Variants in ST18 observed in about 807,000 individuals in gnomAD.
ST18 encodes ST18 C2H2C-type zinc finger transcription factor.
Under a neutral mutation model 110.0 loss-of-function variants are expected in ST18, and 50 were observed. The ratio of observed to expected loss-of-function variants is 0.45; its 90% confidence interval spans 0.36 to 0.58. The LOEUF (loss-of-function observed/expected upper bound fraction) is 0.58, where lower values mean the gene tolerates loss of function less well. Among genes scored for constraint, ST18 ranks in the 20% least tolerant of loss-of-function variants. ST18 has a pLI of 0.00. For synonymous variants in ST18, 461 were observed against 452.4 expected, an observed-to-expected ratio of 1.02 and a Z score of -0.24; for missense variants, 1,306 against 1,280.1, an observed-to-expected ratio of 1.02 and a Z score of -0.31.
chr8:52,205,805 C>T (rs1254092211), intron 8 of ST18, among the ~76,000 whole-genome samples: 2 of 152,074 alleles, frequency 1.3e-5, no homozygotes, highest in South Asian at 2.1e-4. Context: ...TAACCTCAAG[C>T]GTTCCACCTG....
intron 8 of ST18, among the ~76,000 whole-genome samples, chr8:52,182,321 T>C (rs2134279934): frequency 6.6e-6 from 1 of 152,320 alleles, no homozygotes; most frequent in South Asian, 2.1e-4. Flanking sequence ...GAGGAACATT[T>C]GCCCAGTTTT....
chr8:52,121,036 T>C (rs1400300935), intron 23 of ST18, among the ~76,000 whole-genome samples: 2 of 152,174 alleles, frequency 1.3e-5, no homozygotes, highest in African/African-American at 4.8e-5. Context: ...ACTGGGAGGC[T>C]GAAACTTGTA....
intron 2 of ST18, among the ~76,000 whole-genome samples, chr8:52,317,693 G>C (rs77387219): frequency 6.6e-6 from 1 of 152,044 alleles, no homozygotes; most frequent in Non-Finnish European, 1.5e-5. Flanking sequence ...CAGTTTGTTT[G>C]TGTTTCAACT....
chr8:52,323,058 C>T (rs963038434), intron 2 of ST18, among the ~76,000 whole-genome samples: 7 of 152,128 alleles, frequency 4.6e-5, no homozygotes, highest in African/African-American at 1.4e-4. Flanking sequence ...CCTAGCTCCT[C>T]GGAGGAGTCC....
chr8:52,159,525 C>T (rs1006455638), intron 14 of ST18, among the ~76,000 whole-genome samples: 8 of 151,218 alleles, frequency 5.3e-5, no homozygotes, highest in Middle Eastern at 6.8e-3. Flanking sequence ...ATTCCAGTGG[C>T]GGAAAAAAAA....
chr8:52,399,755 T>C lies in ST18; in HGVS notation c.-465+9573A>G, dbSNP rs541097939. On this transcript the variant is annotated intron_variant, in intron 2 of 25. Transcript: ENST00000689386. Reference sequence around the variant, plus strand: ...GAATTTTTCAAGATTCCTCCTGTTGTCGACTTCTAGTTTCATACTGTTGTG... The same window carrying C: ...GAATTTTTCAAGATTCCTCCTGTTGCCGACTTCTAGTTTCATACTGTTGTG... 9.2e-5 allele frequency among the ~76,000 whole-genome samples: 14 copies of C among 152,186 alleles called. No homozygotes were observed. The South Asian group carries it at 2.7e-3, about 29-fold the overall frequency.
intron 9 of ST18, among the ~76,000 whole-genome samples, chr8:52,173,152 T>C (rs2065612424): frequency 6.6e-6 from 1 of 152,212 alleles, no homozygotes; most frequent in Non-Finnish European, 1.5e-5. Flanking sequence ...ACAAAATACA[T>C]CTTTCTGAGG....
rs749850577 is a variant in ST18 at position 52,214,189 on chromosome 8, G to A, written c.55+14C>T. 1 of 1,613,802 alleles carries A rather than the reference G, an allele frequency of 6.2e-7. No homozygotes were observed. The highest frequency in any genetic ancestry group is 1.3e-5 in the African/African-American group (1 of 74,906). ...TGGTGGGCATAGTGTCATAGAACCT[G>A]CTTGCTAACTCACCCTCGGTTCCTT... On this transcript the variant is annotated intron_variant, in intron 7 of 25. Transcript: ENST00000689386.
intron 2 of ST18, among the ~76,000 whole-genome samples, chr8:52,351,830 A>T (rs1480962889): frequency 6.6e-6 from 1 of 152,224 alleles, no homozygotes; most frequent in Non-Finnish European, 1.5e-5. Flanking sequence ...AACAATGAAC[A>T]ATCAGTTAAA....
intron 2 of ST18, among the ~76,000 whole-genome samples, chr8:52,357,707 A>ATT (rs1823607597): frequency 1.2e-5 from 1 of 86,512 alleles, no homozygotes; most frequent in African/African-American, 7.7e-5. Context: ...ATATATATAT[A>ATT]TATATATATA....
intron 2 of ST18, among the ~76,000 whole-genome samples, chr8:52,365,153 T>C (rs906049232): frequency 6.6e-6 from 1 of 152,102 alleles, no homozygotes; most frequent in Non-Finnish European, 1.5e-5. Context: ...GACATGTTTT[T>C]CACATACATG....
chr8:52,267,237 T>C (rs2094901800), intron 2 of ST18, among the ~76,000 whole-genome samples: 1 of 151,690 alleles, frequency 6.6e-6, no homozygotes, highest in Admixed American at 6.6e-5. Context: ...GGCCATACTT[T>C]AGGGAGCCAA....
At chr8:52,392,093 A>G (rs1391455994) in intron 2 of ST18, among the ~76,000 whole-genome samples, 1 of 152,220 alleles carries the variant, frequency 6.6e-6, no homozygotes, top group Non-Finnish European at 1.5e-5. Context: ...AAAAATGAGA[A>G]TGCATTCAAT....
intron 8 of ST18, among the ~76,000 whole-genome samples, chr8:52,189,959 T>C (rs2134748972): frequency 6.6e-6 from 1 of 152,324 alleles, no homozygotes; most frequent in Admixed American, 6.5e-5. Context: ...ACTTCTCCCA[T>C]TCTGTTACCA....
intron 17 of ST18, among the ~76,000 whole-genome samples, chr8:52,141,082 T>G (rs1345715638): frequency 6.6e-6 from 1 of 152,186 alleles, no homozygotes; most frequent in Non-Finnish European, 1.5e-5. Flanking sequence ...GAACCATCCG[T>G]TGTATCCGTC....
intron 2 of ST18, among the ~76,000 whole-genome samples, chr8:52,362,359 C>T (rs577610324): frequency 6.6e-6 from 1 of 152,280 alleles, no homozygotes; most frequent in South Asian, 2.1e-4. Context: ...TAATCAGTGA[C>T]TAGCAGTCTT....
At position 52,182,848 on chromosome 8, in the gene ST18, G is replaced by T. The variant is rs757205341; in HGVS notation, c.87-2536C>A. Among the ~76,000 whole-genome samples the T allele has an allele frequency of 8.4e-4, 128 of 152,166 alleles. 1 individual carries two copies. Among genetic ancestry groups the T allele is most frequent in the Non-Finnish European group, 1.5e-3 (99 of 67,992 alleles). On this transcript the variant is annotated intron_variant, in intron 8 of 25. Coordinates refer to ENST00000689386, the MANE Select transcript of ST18 (RefSeq NM_001352837.2). ...GAGATTTATTTTTTGGCATCAGGAA[G>T]CATTGATCAATGAGACCTCAGGTGG...
chr8:52,214,385 G>C (rs145378519), intron 6 of ST18, 128 bp from the exon 7 acceptor site: 4 of 891,752 alleles, frequency 4.5e-6, no homozygotes, highest in Non-Finnish European at 5.3e-6. Flanking sequence ...CTCACAGCCC[G>C]GCTCTATAGT....
intron 3 of ST18, chr8:52,222,079 C>T (rs933115115): frequency 1.3e-5 from 2 of 152,140 alleles, no homozygotes; most frequent in African/African-American, 2.4e-5. Context: ...AAAGCTCTTT[C>T]TAAATCCTGA....
Sources: allele counts gnomAD v4.1 joint callset (sites outside exome capture counted in the v4.1 genomes callset), GRCh38; gene constraint gnomAD v4.1.1; transcripts MANE v1.5; gene names NCBI Gene and HGNC (gene_info 2026-07-23, HGNC 2026-07-21).